Variants in TTC27 observed in about 807,000 individuals in gnomAD.
TTC27 encodes tetratricopeptide repeat protein 27.
Under a neutral mutation model 115.9 loss-of-function variants are expected in TTC27, and 79 were observed. The observed-to-expected ratio is 0.68, with a 90% CI of 0.57 to 0.82. TTC27 has a LOEUF of 0.82. Among genes scored for constraint, TTC27 ranks in the 40% least tolerant of loss-of-function variants. The probability of loss-of-function intolerance (pLI) is 0.00; values close to 1 mark genes in which losing one functional copy is unlikely to be tolerated. For missense variants in TTC27, 1,054 were observed against 993.1 expected (o/e 1.06, Z -0.82); for synonymous variants, 401 against 356.0 (o/e 1.13, Z -1.42).
intron 5 of TTC27, among the ~76,000 whole-genome samples, chr2:32,652,005 G>A (rs961808105): frequency 3.3e-5 from 5 of 152,082 alleles, no homozygotes; most frequent in Admixed American, 6.6e-5. Flanking sequence ...TCATCCCTTG[G>A]TATCCAAGGG....
At chr2:32,785,340 T>G (rs562090172) in intron 15 of TTC27, among the ~76,000 whole-genome samples, 3 of 152,184 alleles carry the variant, frequency 2.0e-5, no homozygotes, top group African/African-American at 2.4e-5. Context: ...TCAAAATTTT[T>G]TTTGAAATTT....
intron 4 of TTC27, among the ~76,000 whole-genome samples, chr2:32,644,129 C>T (rs1452102536): frequency 7.0e-6 from 1 of 143,716 alleles, no homozygotes; most frequent in Admixed American, 7.2e-5. Flanking sequence ...TGCAGTGAAT[C>T]GAGATCGTTC....
rs755996712 is a variant in TTC27, at chr2:32,628,256, G to A, written c.-37G>A. 5.7e-6 allele frequency: 9 copies of A among 1,583,238 alleles called. No individual in the cohort carries two copies. The highest frequency in any genetic ancestry group is 6.0e-6 in the Non-Finnish European group (7 of 1,164,920). On this transcript the variant is annotated 5_prime_UTR_variant, in exon 1 of 20. In the 5' UTR this introduces an upstream ATG that the reference lacks. Transcript: ENST00000317907. The stretch of plus-strand genomic sequence containing the variant: ...TTTTGTTGACTCCCGTGTGGCCCTC[G>A]TGGGAGCCTGTTTTGGCTGCAGCGG...
chr2:32,809,513 A>G (rs558190980), intron 16 of TTC27, among the ~76,000 whole-genome samples: 3 of 152,314 alleles, frequency 2.0e-5, no homozygotes, highest in African/African-American at 4.8e-5. Context: ...TTGGTCCAAG[A>G]TGGATCAGCA....
At chr2:32,735,323 C>T (rs1418930842) in intron 11 of TTC27, among the ~76,000 whole-genome samples, 1 of 151,874 alleles carries the variant, frequency 6.6e-6, no homozygotes, top group Non-Finnish European at 1.5e-5. Context: ...TGACTCTGAT[C>T]TGTGAAATTG....
rs747579299 is a variant in TTC27 at position 32,786,981 on chromosome 2, T to C, written c.1833-3T>C. 8 of 1,603,834 alleles carry C rather than the reference T, an allele frequency of 5.0e-6. No homozygotes were observed. The highest frequency in any genetic ancestry group is 6.8e-6 in the Non-Finnish European group (8 of 1,177,586). The stretch of plus-strand genomic sequence containing the variant: ...GCTCTCTTTAAAATTTGACCTTCAA[T>C]AGAGTAAAAGCTTTTAGAACTTTAC... On this transcript the variant is annotated splice_region_variant and splice_polypyrimidine_tract_variant and intron_variant, in intron 15 of 19. Transcript: ENST00000317907.
At chr2:32,707,173 A>G (rs1667402145) in intron 10 of TTC27, among the ~76,000 whole-genome samples, 1 of 152,202 alleles carries the variant, frequency 6.6e-6, no homozygotes. Context: ...TGCTGTGATA[A>G]CAGGGTACCA....
chr2:32,663,439 C>A (rs1371059408), intron 5 of TTC27, among the ~76,000 whole-genome samples: 2 of 152,178 alleles, frequency 1.3e-5, no homozygotes, highest in South Asian at 4.1e-4. Context: ...TCCACGACCC[C>A]TTGTGCTTCC....
At chr2:32,730,005 G>A (rs1668239710) in intron 10 of TTC27, among the ~76,000 whole-genome samples, 1 of 152,154 alleles carries the variant, frequency 6.6e-6, no homozygotes, top group East Asian at 1.9e-4. Flanking sequence ...GTGAAAGCTT[G>A]CGAGGTACTT....
chr2:32,667,219 C>T lies in TTC27; in HGVS notation c.939+451C>T, dbSNP rs558332412. On this transcript the variant is annotated intron_variant, in intron 7 of 19. Transcript: ENST00000317907. ...AATTCCTTTTCACTAGTTTTGTGAT[C>T]GGCCTTTTGTTTCTCTGTCATTATT... Among the ~76,000 whole-genome samples the T allele has an allele frequency of 6.6e-5, 10 of 151,908 alleles. No individual in the cohort carries two copies. The East Asian group carries it at 1.9e-3, about 30-fold the overall frequency.
intron 14 of TTC27, among the ~76,000 whole-genome samples, chr2:32,782,107 G>T (rs1321713061): frequency 2.0e-5 from 3 of 152,052 alleles, no homozygotes; most frequent in South Asian, 2.1e-4. Context: ...TGATTAAGCT[G>T]ATTTAAAAAA....
chr2:32,684,444 C>CAA (rs568992088), intron 9 of TTC27, among the ~76,000 whole-genome samples: 1 of 142,158 alleles, frequency 7.0e-6, no homozygotes, highest in Non-Finnish European at 1.5e-5. Context: ...AAACAAGTTT[C>CAA]AAAAAAAAAA....
rs1219629477 is a variant in TTC27 at position 32,811,190 on chromosome 2, G to A, written c.2165G>A (p.Gly722Glu). ...WRLYAHVYGNGQSEKPDENEK... is the reference protein window; with the variant it reads ...WRLYAHVYGNEQSEKPDENEK... ...CTGTATGCCCACGTATATGGAAATG[G>A]GCAGAGTGAAAAGCCTGATGAAAAT... Residue 722 changes from glycine (G) to glutamate (E), a missense_variant, in exon 17 of 20, where the codon GGG becomes GAG. By Grantham distance (98) the Gly-to-Glu change is moderately conservative. Coordinates refer to ENST00000317907, the MANE Select transcript of TTC27 (RefSeq NM_017735.5). The A allele has an allele frequency of 6.2e-7, 1 of 1,613,888 alleles. No homozygotes were observed. The highest frequency in any genetic ancestry group is 2.2e-5 in the East Asian group (1 of 44,876).
intron 16 of TTC27, among the ~76,000 whole-genome samples, chr2:32,793,632 C>A (rs560928237): frequency 6.6e-6 from 1 of 152,140 alleles, no homozygotes; most frequent in African/African-American, 2.4e-5. Flanking sequence ...AAGTGATTCT[C>A]CTGCCTCAGC....
intron 16 of TTC27, among the ~76,000 whole-genome samples, chr2:32,791,175 A>G (rs965327377): frequency 6.6e-6 from 1 of 152,344 alleles, no homozygotes; most frequent in African/African-American, 2.4e-5. Flanking sequence ...GTTTTTGACT[A>G]TTATAAATAA....
chr2:32,761,889 T>C (rs981318750), intron 13 of TTC27, among the ~76,000 whole-genome samples: 1 of 150,294 alleles, frequency 6.7e-6, no homozygotes, highest in Non-Finnish European at 1.5e-5. Flanking sequence ...ATTTGTCAAA[T>C]GGGTGAATAA....
chr2:32,682,158 A>T (rs960739285), intron 9 of TTC27, among the ~76,000 whole-genome samples: 4 of 152,084 alleles, frequency 2.6e-5, no homozygotes, highest in African/African-American at 9.7e-5. Context: ...TGCATGCAGA[A>T]TAAGAAAATG....
chr2:32,633,922 G>T lies in TTC27; in HGVS notation c.313G>T (p.Val105Phe). 1 of 1,613,982 alleles carries T rather than the reference G, an allele frequency of 6.2e-7. No homozygotes were observed. The highest frequency in any genetic ancestry group is 8.5e-7 in the Non-Finnish European group (1 of 1,179,944). ...LLGVSSLQLF[V>F]QSNWTGPPVD... ...TGGTGTGAGCAGTTTGCAACTTTTT[G>T]TTCAGAGCAACTGGACGGGGCCCCC... The change falls in exon 3 of 20, where the codon GTT (valine) becomes TTT (phenylalanine). Residue 105 changes from valine (V) to phenylalanine (F), a missense_variant. By Grantham distance (50) the Val-to-Phe change is conservative. Coordinates refer to ENST00000317907, the MANE Select transcript of TTC27 (RefSeq NM_017735.5).
At chr2:32,758,677 C>G (rs1335344392) in intron 13 of TTC27, among the ~76,000 whole-genome samples, 158 bp downstream of exon 13, 1 of 152,116 alleles carries the variant, frequency 6.6e-6, no homozygotes, top group East Asian at 1.9e-4. Flanking sequence ...TTGTTGCAAA[C>G]TTGCTTGTTG....
Sources: allele counts gnomAD v4.1 joint callset (sites outside exome capture counted in the v4.1 genomes callset), GRCh38; gene constraint gnomAD v4.1.1; transcripts MANE v1.5; gene names NCBI Gene and HGNC (gene_info 2026-07-23, HGNC 2026-07-21).